The following CTNNA2 variants were observed in gnomAD, a reference collection of about 807,000 sequenced individuals.
CTNNA2 encodes catenin alpha 2, also known as catenin alpha-2.
Under a neutral mutation model 101.0 loss-of-function variants are expected in CTNNA2, and 42 were observed. The observed-to-expected ratio is 0.42, with a 90% CI of 0.32 to 0.54. CTNNA2 has a LOEUF of 0.54. Ranked by LOEUF, CTNNA2 falls within the 20% of genes least tolerant of loss-of-function variation. The probability of loss-of-function intolerance (pLI) is 0.14; values close to 1 mark genes in which losing one functional copy is unlikely to be tolerated. For synonymous variants in CTNNA2, 450 were observed against 456.4 expected, an observed-to-expected ratio of 0.99 and a Z score of 0.18; for missense variants, 871 against 1,223.1, an observed-to-expected ratio of 0.71 and a Z score of 4.29.
intron 1 of CTNNA2, among the ~76,000 whole-genome samples, chr2:79,633,259 C>G (rs1316798435): frequency 6.6e-6 from 1 of 152,154 alleles, no homozygotes; most frequent in African/African-American, 2.4e-5. Flanking sequence ...TTGTTATTAT[C>G]TCCCCTCATA....
chr2:80,054,485 C>G (rs78117328), intron 7 of CTNNA2, among the ~76,000 whole-genome samples: 3,497 of 152,278 alleles, frequency 0.023, 133 homozygotes, highest in African/African-American at 0.079. Flanking sequence ...GGCATTATTT[C>G]TTGGCCTGGA....
At chr2:79,958,992 C>T (rs576319021) in intron 7 of CTNNA2, among the ~76,000 whole-genome samples, 4 of 152,218 alleles carry the variant, frequency 2.6e-5, no homozygotes, top group African/African-American at 7.2e-5. Flanking sequence ...TCTCTAAATT[C>T]GCAAGGATGT....
chr2:80,355,002 T>G (rs2149305145), intron 7 of CTNNA2, among the ~76,000 whole-genome samples: 1 of 152,088 alleles, frequency 6.6e-6, no homozygotes, highest in Admixed American at 6.6e-5. Context: ...TCATGGTGTT[T>G]ATTTTTCTGC....
chr2:80,293,465 G>C (rs544469498), intron 7 of CTNNA2, among the ~76,000 whole-genome samples: 22 of 152,294 alleles, frequency 1.4e-4, no homozygotes, highest in South Asian at 1.0e-3. Flanking sequence ...TATGACAGAA[G>C]ATCCAATCTT....
intron 2 of CTNNA2, among the ~76,000 whole-genome samples, chr2:79,199,413 TTTG>T (rs577365824): frequency 6.6e-6 from 1 of 152,104 alleles, no homozygotes; most frequent in African/African-American, 2.4e-5. Context: ...AGAAAAGTGT[TTTG>T]TTGTTGTTGT....
At chr2:79,890,050 C>A (rs757844143) in intron 6 of CTNNA2, among the ~76,000 whole-genome samples, 15 of 152,122 alleles carry the variant, frequency 9.9e-5, no homozygotes, top group Non-Finnish European at 1.9e-4. Flanking sequence ...GTAAGTTTCT[C>A]CATTGTGTCT....
chr2:79,888,624 T>C (rs537252909), intron 6 of CTNNA2, among the ~76,000 whole-genome samples: 129 of 152,326 alleles, frequency 8.5e-4, no homozygotes, highest in African/African-American at 2.8e-3. Flanking sequence ...ATTTATATCT[T>C]GATTTTTTGG....
At chr2:80,029,931 C>T (rs573783820) in intron 7 of CTNNA2, among the ~76,000 whole-genome samples, 2 of 152,114 alleles carry the variant, frequency 1.3e-5, no homozygotes, top group African/African-American at 4.8e-5. Context: ...TTCCATGATG[C>T]AAGCACCCAC....
At chr2:79,652,849 T>G (rs1441761658) in intron 2 of CTNNA2, among the ~76,000 whole-genome samples, 1 of 152,100 alleles carries the variant, frequency 6.6e-6, no homozygotes, top group Non-Finnish European at 1.5e-5. Flanking sequence ...TCTCAACCAA[T>G]CATAGCATCA....
At chr2:79,627,859 A>G (rs927376943) in intron 1 of CTNNA2, among the ~76,000 whole-genome samples, 3 of 152,204 alleles carry the variant, frequency 2.0e-5, no homozygotes, top group African/African-American at 7.2e-5. Flanking sequence ...TGATGCCTTA[A>G]AAGTATACTT....
chr2:79,526,570 AAACT>A lies in CTNNA2; in HGVS notation c.-6+13367_-6+13370del, dbSNP rs540916450. Among the ~76,000 whole-genome samples, 644 of 152,218 alleles carry A rather than the reference AAACT, an allele frequency of 4.2e-3. 4 individuals carry two copies. Among genetic ancestry groups the A allele is most frequent in the African/African-American group, 0.015 (605 of 41,578 alleles). ...TTGGAAGACACACTTCTTAATTTCA[AAACT>A]AACCGCAAAAGTATAATAATCGAGA... On this transcript the variant is annotated intron_variant, in intron 1 of 18. Coordinates refer to ENST00000402739, the MANE Select transcript of CTNNA2 (RefSeq NM_001282597.3).
chr2:79,985,209 T>G (rs150249931), intron 7 of CTNNA2, among the ~76,000 whole-genome samples: 27 of 152,252 alleles, frequency 1.8e-4, no homozygotes, highest in African/African-American at 5.8e-4. Context: ...CCCCCGTAGA[T>G]AACTCATTAT....
chr2:79,724,781 T>C (rs1383639206), intron 2 of CTNNA2, among the ~76,000 whole-genome samples: 2 of 137,224 alleles, frequency 1.5e-5, no homozygotes, highest in Admixed American at 7.8e-5. Context: ...TGCCACTGCA[T>C]TCCAGCCGGG....
chr2:80,008,235 C>T (rs930847849), intron 7 of CTNNA2, among the ~76,000 whole-genome samples: 2 of 152,212 alleles, frequency 1.3e-5, no homozygotes, highest in Non-Finnish European at 2.9e-5. Context: ...AAGTGTGAAG[C>T]AGACTAGGCA....
intron 7 of CTNNA2, among the ~76,000 whole-genome samples, chr2:80,147,520 C>T (rs929280430): frequency 3.9e-5 from 6 of 152,182 alleles, no homozygotes; most frequent in South Asian, 2.1e-4. Flanking sequence ...TCACCACCCA[C>T]GATGAACTCC....
At chr2:79,210,555 ATAAATTGAGTCC>A (rs1674158906) in intron 2 of CTNNA2, among the ~76,000 whole-genome samples, 1 of 152,204 alleles carries the variant, frequency 6.6e-6, no homozygotes, top group South Asian at 2.1e-4. Flanking sequence ...GTTCAGGCTT[ATAAATTGAGTCC>A]TGTCTTTAGT....
chr2:80,225,944 C>G (rs1045068421), intron 7 of CTNNA2, among the ~76,000 whole-genome samples: 2 of 152,124 alleles, frequency 1.3e-5, no homozygotes, highest in Non-Finnish European at 2.9e-5. Flanking sequence ...ATACTAGGAG[C>G]CATTCTTGAT....
intron 3 of CTNNA2, among the ~76,000 whole-genome samples, chr2:79,751,061 G>C (rs1672000868): frequency 6.6e-6 from 1 of 152,064 alleles, no homozygotes; most frequent in Non-Finnish European, 1.5e-5. Context: ...AATATTTCAG[G>C]AGTTGTGGAA....
chr2:79,482,920 G>A (rs1017378216), intron 4 of CTNNA2, among the ~76,000 whole-genome samples: 1 of 152,206 alleles, frequency 6.6e-6, no homozygotes, highest in African/African-American at 2.4e-5. Flanking sequence ...TCAGGCATGT[G>A]GCTAAAAGTC....
Sources: gnomAD v4.1 joint callset for allele counts (sites outside exome capture counted in the v4.1 genomes callset) on GRCh38, gnomAD v4.1.1 for gene constraint, MANE v1.5 for transcripts, NCBI Gene and HGNC (gene_info 2026-07-23, HGNC 2026-07-21) for gene names.